TNFSF4: variants seen among roughly 807,000 people sequenced by gnomAD.
TNFSF4 encodes TNF superfamily member 4.
TNFSF4 carries 4 observed loss-of-function variants against 7.3 expected under a neutral mutation model. The observed-to-expected ratio is 0.55, with a 90% CI of 0.27 to 1.25. The LOEUF is 1.25. TNFSF4 is among the 50% of genes most tolerant of loss of function. TNFSF4 has a pLI of 0.12. For missense variants in TNFSF4, 181 were observed against 208.8 expected, an observed-to-expected ratio of 0.87 and a Z score of 0.82; for synonymous variants, 76 against 83.7, an observed-to-expected ratio of 0.91 and a Z score of 0.50.
At chr1:173,192,688 C>T (rs901325071) in intron 1 of TNFSF4, among the ~76,000 whole-genome samples, 6 of 152,076 alleles carry the variant, frequency 3.9e-5, no homozygotes, top group Non-Finnish European at 8.8e-5. Context: ...CAGTTAACCC[C>T]AACATTAAAA....
the TNFSF4 span, among the ~76,000 whole-genome samples, chr1:173,212,848 AC>A: frequency 6.6e-6 from 1 of 151,882 alleles, no homozygotes; most frequent in African/African-American, 2.4e-5. Flanking sequence ...TTAATTTAAA[AC>A]TTTTTTAAAT....
chr1:173,426,582 T>C, the TNFSF4 span, among the ~76,000 whole-genome samples: 1 of 152,084 alleles, frequency 6.6e-6, no homozygotes, highest in Non-Finnish European at 1.5e-5. Context: ...TGTAATCCCA[T>C]GGGTTCATTT....
chr1:173,189,251 G>A (rs921922804), intron 1 of TNFSF4, among the ~76,000 whole-genome samples: 4 of 152,152 alleles, frequency 2.6e-5, no homozygotes, highest in African/African-American at 4.8e-5. Context: ...AACCTATTCA[G>A]TCATAGAGAT....
chr1:173,252,537 T>C, the TNFSF4 span, among the ~76,000 whole-genome samples: 2 of 152,148 alleles, frequency 1.3e-5, no homozygotes, highest in Non-Finnish European at 2.9e-5. Context: ...ACATACTCAC[T>C]GCACTTCTGC....
chr1:173,201,005 T>C (rs772243540), intron 1 of TNFSF4, among the ~76,000 whole-genome samples: 1 of 152,260 alleles, frequency 6.6e-6, no homozygotes, highest in Non-Finnish European at 1.5e-5. Flanking sequence ...AGATTTTAGT[T>C]ATGCCAGGAA....
At chr1:173,262,051 C>A in the TNFSF4 span, among the ~76,000 whole-genome samples, 2 of 152,154 alleles carry the variant, frequency 1.3e-5, no homozygotes, top group Non-Finnish European at 2.9e-5. Context: ...CAGCCAATAT[C>A]CCTGATGAAC....
chr1:173,193,848 T>C (rs960213553), intron 1 of TNFSF4, among the ~76,000 whole-genome samples: 6 of 151,212 alleles, frequency 4.0e-5, no homozygotes, highest in African/African-American at 1.5e-4. Context: ...AATAATGTAA[T>C]GTACAAGCGT....
the TNFSF4 span, among the ~76,000 whole-genome samples, chr1:173,406,011 A>G: frequency 6.6e-6 from 1 of 152,130 alleles, no homozygotes; most frequent in Admixed American, 6.5e-5. Context: ...ATCTCGACCC[A>G]CTTCTCACCT....
chr1:173,325,452 A>G, the TNFSF4 span, among the ~76,000 whole-genome samples: 1 of 152,234 alleles, frequency 6.6e-6, no homozygotes, highest in Non-Finnish European at 1.5e-5. Context: ...CACAATTAAA[A>G]GAACTAGAGA....
chr1:173,243,639 G>A, the TNFSF4 span, among the ~76,000 whole-genome samples: 17 of 152,096 alleles, frequency 1.1e-4, no homozygotes, highest in Non-Finnish European at 2.4e-4. Flanking sequence ...AAAAACCTTA[G>A]CTCTTCCACT....
At chr1:173,339,737 A>G in the TNFSF4 span, among the ~76,000 whole-genome samples, 1 of 152,180 alleles carries the variant, frequency 6.6e-6, no homozygotes, top group Non-Finnish European at 1.5e-5. Flanking sequence ...TTTTCCTGGG[A>G]AATGGTTAGT....
At chr1:173,220,077 A>T in the TNFSF4 span, among the ~76,000 whole-genome samples, 2 of 152,162 alleles carry the variant, frequency 1.3e-5, no homozygotes, top group African/African-American at 4.8e-5. Flanking sequence ...CTAAAAAAAA[A>T]ATCTATTCAC....
At chr1:173,365,470 T>C in the TNFSF4 span, among the ~76,000 whole-genome samples, 1 of 152,246 alleles carries the variant, frequency 6.6e-6, no homozygotes, top group South Asian at 2.1e-4. Context: ...GGGGAAATTC[T>C]ATCAAGTGTC....
chr1:173,445,658 C>T, the TNFSF4 span, among the ~76,000 whole-genome samples: 1 of 152,048 alleles, frequency 6.6e-6, no homozygotes, highest in South Asian at 2.1e-4. Flanking sequence ...CAAAATGGTC[C>T]TGGTCACAGG....
chr1:173,186,667 G>C lies in TNFSF4; in HGVS notation c.401C>G (p.Ser134Cys). ...EPLFQLKKVR[S>C]VNSLMVASLT... is the part of the protein sequence containing the mutation. ...AGAGGCCACCATCAAGGAGTTGACA[G>C]ACCTGACCTTCTTCAGTTGGAAGAG... Residue 134 changes from serine to cysteine, a missense_variant, in exon 3 of 3, where the codon TCT (serine) becomes TGT (cysteine). Coordinates refer to ENST00000281834, the MANE Select transcript of TNFSF4 (RefSeq NM_003326.5). 1 of 1,614,194 alleles carries C rather than the reference G, an allele frequency of 6.2e-7. No individual in the cohort carries two copies.
chr1:173,411,619 G>A, the TNFSF4 span, among the ~76,000 whole-genome samples: 1 of 151,816 alleles, frequency 6.6e-6, no homozygotes, highest in African/African-American at 2.4e-5. Context: ...GGCCAACATG[G>A]CAAAACTCCA....
chr1:173,232,191 G>T, the TNFSF4 span, among the ~76,000 whole-genome samples: 1 of 152,016 alleles, frequency 6.6e-6, no homozygotes, highest in South Asian at 2.1e-4. Flanking sequence ...CGTGTCCCTT[G>T]TAAGTTGGAT....
chr1:173,322,721 G>A, the TNFSF4 span, among the ~76,000 whole-genome samples: 2 of 152,092 alleles, frequency 1.3e-5, no homozygotes, highest in African/African-American at 2.4e-5. Context: ...CTTATCAAAC[G>A]GCACACCAGG....
the TNFSF4 span, among the ~76,000 whole-genome samples, chr1:173,258,598 C>A: frequency 6.6e-6 from 1 of 152,168 alleles, no homozygotes. Context: ...TGGAAACTGC[C>A]TAAGATGACT....
Sources: gnomAD v4.1 joint callset for allele counts (sites outside exome capture counted in the v4.1 genomes callset) on GRCh38, gnomAD v4.1.1 for gene constraint, MANE v1.5 for transcripts, NCBI Gene and HGNC (gene_info 2026-07-23, HGNC 2026-07-21) for gene names.